The following ZNF385C variants were observed in gnomAD, a reference collection of about 807,000 sequenced individuals.
ZNF385C encodes the protein zinc finger protein 385C, also known as CTD-2132N18.2.
Under a neutral mutation model 35.4 loss-of-function variants are expected in ZNF385C, and 28 were observed. The ratio of observed to expected loss-of-function variants is 0.79; its 90% CI spans 0.59 to 1.08. The LOEUF (loss-of-function observed/expected upper bound fraction) is 1.08, where lower values mean the gene tolerates loss of function less well. Among genes scored for constraint, ZNF385C ranks in the 50% least tolerant of loss-of-function variants. The pLI, the probability that ZNF385C is intolerant of heterozygous loss-of-function variation, is 0.00. For synonymous variants in ZNF385C, 248 were observed against 248.2 expected (o/e 1.00, Z 0.01); for missense variants, 605 against 595.6 (o/e 1.02, Z -0.16).
intron 1 of ZNF385C, chr17:42,064,953 T>C (rs904259081): frequency 4.6e-5 from 7 of 152,084 alleles, no homozygotes; most frequent in African/African-American, 1.7e-4. Flanking sequence ...ATTCAAGCAA[T>C]TCTCCTGCCT....
chr17:42,072,455 A>G (rs1214412440), intron 1 of ZNF385C, among the ~76,000 whole-genome samples: 1 of 152,096 alleles, frequency 6.6e-6, no homozygotes, highest in Non-Finnish European at 1.5e-5. Context: ...GAACCACCTA[A>G]GTGCTGAGCA....
intron 1 of ZNF385C, among the ~76,000 whole-genome samples, chr17:42,082,472 C>A (rs1193724819): frequency 1.3e-5 from 2 of 152,238 alleles, no homozygotes; most frequent in African/African-American, 4.8e-5. Context: ...TACTCCACCC[C>A]CTCACCTGAG....
chr17:42,071,878 G>A (rs782659289), intron 1 of ZNF385C, among the ~76,000 whole-genome samples: 10 of 152,234 alleles, frequency 6.6e-5, no homozygotes, highest in Non-Finnish European at 1.2e-4. Context: ...CCAAGTCAGG[G>A]CAGGAGCCTA....
At chr17:42,069,578 A>G (rs1555658640) in intron 1 of ZNF385C, among the ~76,000 whole-genome samples, 1 of 152,226 alleles carries the variant, frequency 6.6e-6, no homozygotes, top group African/African-American at 2.4e-5. Flanking sequence ...CAGAGCATGA[A>G]GGGTTCCCTC....
chr17:42,033,479 G>A (rs536088772), intron 4 of ZNF385C, among the ~76,000 whole-genome samples: 8 of 152,290 alleles, frequency 5.3e-5, no homozygotes, highest in East Asian at 3.9e-4. Context: ...GGCCAGGCGC[G>A]GTGGCTCACA....
rs376645720 is a variant in ZNF385C, at chr17:42,027,148, A to G, written c.1276-15T>C. 3 of 1,610,806 alleles carry G rather than the reference A, an allele frequency of 1.9e-6. No homozygotes were observed. The highest frequency in any genetic ancestry group is 3.3e-5 in the Admixed American group (2 of 59,960). On this transcript the variant is annotated splice_polypyrimidine_tract_variant and intron_variant, in intron 8 of 8. Transcript: ENST00000692273. ...GCCAGTTTAGACTACACGGAAAAGA[A>G]AGGAATGGACACAGTCTCCACCCCA...
chr17:42,095,529 T>A lies in ZNF385C; in HGVS notation c.-3+2881A>T, dbSNP rs1555660890. ...CGGCCCCATTTAGCTCTCTCCTTGC[T>A]CCTGGGGTCCAGTGACCCACACCCT... On this transcript the variant is annotated intron_variant, in intron 1 of 8. Transcript: ENST00000692273. The surrounding 1 kb of genome is among the most constrained non-coding windows in gnomAD (Gnocchi z 4.4). 6.6e-6 allele frequency among the ~76,000 whole-genome samples: 1 copy of A among 152,118 alleles called. No individual in the cohort carries two copies. Among genetic ancestry groups the A allele is most frequent in the Non-Finnish European group, 1.5e-5 (1 of 68,028 alleles).
intron 2 of ZNF385C, among the ~76,000 whole-genome samples, chr17:42,047,028 AATT>A (rs1211589943): frequency 2.9e-5 from 2 of 67,924 alleles, no homozygotes; most frequent in Non-Finnish European, 5.4e-5. Flanking sequence ...ATGCCCGGCT[AATT>A]TTTTTTTTTT....
intron 2 of ZNF385C, among the ~76,000 whole-genome samples, chr17:42,051,061 G>T (rs985386149): frequency 2.6e-5 from 4 of 152,090 alleles, no homozygotes; most frequent in African/African-American, 7.2e-5. Flanking sequence ...TTTACTAGGG[G>T]AAGGGCACTC....
intron 1 of ZNF385C, among the ~76,000 whole-genome samples, chr17:42,090,389 C>G (rs544690747): frequency 1.4e-5 from 2 of 147,234 alleles, no homozygotes; most frequent in East Asian, 2.0e-4. Flanking sequence ...CAGGTTCAAG[C>G]GATTCTCCTG....
chr17:42,091,300 T>C (rs1555660536), intron 1 of ZNF385C, among the ~76,000 whole-genome samples: 1 of 152,038 alleles, frequency 6.6e-6, no homozygotes, highest in African/African-American at 2.4e-5. Flanking sequence ...ATTATCCAGG[T>C]GTGTGCCTGT....
At chr17:42,066,153 G>A (rs566430612) in intron 1 of ZNF385C, among the ~76,000 whole-genome samples, 264 of 152,194 alleles carry the variant, frequency 1.7e-3, no homozygotes, top group African/African-American at 6.2e-3. Context: ...TCTGCCTCCC[G>A]GGTGCAAGTG....
intron 1 of ZNF385C, among the ~76,000 whole-genome samples, chr17:42,087,988 T>C (rs1555660233): frequency 6.6e-6 from 1 of 152,248 alleles, no homozygotes; most frequent in Non-Finnish European, 1.5e-5. Context: ...CCATGCTCTA[T>C]AGTCCTCCGT....
intron 2 of ZNF385C, among the ~76,000 whole-genome samples, chr17:42,059,121 G>A (rs2053423386): frequency 6.6e-6 from 1 of 152,186 alleles, no homozygotes; most frequent in Non-Finnish European, 1.5e-5. Flanking sequence ...TCTCTAGCTG[G>A]AGCCCCAGAA....
intron 1 of ZNF385C, among the ~76,000 whole-genome samples, chr17:42,092,059 T>C (rs1186645050): frequency 2.6e-5 from 4 of 152,256 alleles, no homozygotes; most frequent in African/African-American, 9.6e-5. Context: ...GAAGATTGAT[T>C]CTGCGAAAGT....
chr17:42,038,205 GAC>G, intron 2 of ZNF385C: 4 of 688,540 alleles, frequency 5.8e-6, no homozygotes, highest in Admixed American at 3.0e-5. Flanking sequence ...GGCAGGCCCT[GAC>G]ACACACACCA....
At chr17:42,032,188 G>A (rs1303741631) in intron 4 of ZNF385C, among the ~76,000 whole-genome samples, 4 of 152,090 alleles carry the variant, frequency 2.6e-5, no homozygotes, top group Non-Finnish European at 4.4e-5. Flanking sequence ...AGCCTCCGGG[G>A]TAGCTGGGAC....
intron 2 of ZNF385C, among the ~76,000 whole-genome samples, chr17:42,052,464 T>G (rs894646526): frequency 4.6e-5 from 7 of 152,068 alleles, no homozygotes; most frequent in Admixed American, 2.0e-4. Flanking sequence ...ATGTATTCTA[T>G]CTACACACGA....
chr17:42,092,402 T>C (rs1263075665), intron 1 of ZNF385C, among the ~76,000 whole-genome samples: 1 of 149,504 alleles, frequency 6.7e-6, no homozygotes, highest in Admixed American at 6.6e-5. Context: ...GAGATTCGTG[T>C]CAAAAAAAAA....
Sources: gnomAD v4.1 joint callset for allele counts (sites outside exome capture counted in the v4.1 genomes callset) on GRCh38, gnomAD v4.1.1 for gene constraint, Gnocchi (gnomAD v3.1) non-coding constraint, MANE v1.5 for transcripts, NCBI Gene and HGNC (gene_info 2026-07-23, HGNC 2026-07-21) for gene names.